The following OR1L8 variants were observed in gnomAD, a reference collection of about 807,000 sequenced individuals.
OR1L8 encodes olfactory receptor 1L8.
For missense variants in OR1L8, 330 were observed against 377.4 expected (o/e 0.87, Z 1.04); for synonymous variants, 148 against 147.0 (o/e 1.01, Z -0.05).
chr9:122,576,089 T>G (rs563825241), intron 3 of OR1L8, among the ~76,000 whole-genome samples: 4 of 152,228 alleles, frequency 2.6e-5, no homozygotes, highest in African/African-American at 9.6e-5. Flanking sequence ...CTTAATAATA[T>G]TGTAAGGCTG....
chr9:122,566,900 G>A (rs755239613), downstream of OR1L8, among the ~76,000 whole-genome samples: 3 of 152,086 alleles, frequency 2.0e-5, no homozygotes, highest in African/African-American at 4.8e-5. Context: ...GTTATCCCTT[G>A]TGGTTTTTGT....
intron 3 of OR1L8, among the ~76,000 whole-genome samples, chr9:122,575,835 GATCTCTAGACTTGTTCATGCT>G (rs1829644703): frequency 6.6e-6 from 1 of 152,096 alleles, no homozygotes; most frequent in African/African-American, 2.4e-5. Flanking sequence ...TTGTACATTA[GATCTCTAGACTTGTTCATGCT>G]TCATGTCTGT....
the OR1L8 span, among the ~76,000 whole-genome samples, chr9:122,552,749 A>AGTGTGTGTGTGTGTGTGTGT: frequency 9.2e-4 from 120 of 129,752 alleles, 1 homozygote; most frequent in South Asian, 1.7e-3. Context: ...AGAGGGCTTG[A>AGTGTGTGTGTGTGTGTGTGT]GTGTGTGTGT....
chr9:122,565,433 A>T (rs1282458635), downstream of OR1L8, among the ~76,000 whole-genome samples: 1 of 152,172 alleles, frequency 6.6e-6, no homozygotes, highest in Admixed American at 6.5e-5. Context: ...TGGGCTCATG[A>T]ACAAAATGGC....
intron 1 of OR1L8, among the ~76,000 whole-genome samples, chr9:122,581,750 C>A (rs1232624980): frequency 6.6e-6 from 1 of 151,920 alleles, no homozygotes; most frequent in East Asian, 1.9e-4. Flanking sequence ...AGTTTGAGAC[C>A]AGCCTGGCCA....
intron 1 of OR1L8, among the ~76,000 whole-genome samples, chr9:122,582,883 A>G (rs1426983290): frequency 6.6e-6 from 1 of 152,184 alleles, no homozygotes; most frequent in African/African-American, 2.4e-5. Flanking sequence ...TAAAAGTGTA[A>G]TTAAAATGAA....
At chr9:122,569,423 C>G (rs1829498737) in intron 4 of OR1L8, among the ~76,000 whole-genome samples, 1 of 85,666 alleles carries the variant, frequency 1.2e-5, no homozygotes, top group African/African-American at 4.6e-5. Context: ...AAGTGGCTTC[C>G]ATTTCTTGCT....
chr9:122,565,655 T>C (rs1227396056), downstream of OR1L8, among the ~76,000 whole-genome samples: 1 of 152,252 alleles, frequency 6.6e-6, no homozygotes, highest in Non-Finnish European at 1.5e-5. Flanking sequence ...AGAAGAAGTA[T>C]GGATCCCGTC....
chr9:122,574,219 T>C (rs35437587), intron 3 of OR1L8, among the ~76,000 whole-genome samples: 16,875 of 152,248 alleles, frequency 0.11, 1,136 homozygotes, highest in South Asian at 0.19. Flanking sequence ...AACTTTAGAA[T>C]TAGTTTTTTA....
At chr9:122,552,041 A>ACTCTCTCTCTCTCT in the OR1L8 span, among the ~76,000 whole-genome samples, 1 of 147,132 alleles carries the variant, frequency 6.8e-6, no homozygotes, top group African/African-American at 2.5e-5. Context: ...ACACATACAC[A>ACTCTCTCTCTCTCT]CACACACACA....
intron 4 of OR1L8, among the ~76,000 whole-genome samples, chr9:122,571,214 A>G (rs16911914): frequency 0.054 from 8,214 of 152,140 alleles, 414 homozygotes; most frequent in East Asian, 0.26. Flanking sequence ...GGGATTTGAA[A>G]GCTTGAACAC....
chr9:122,560,425 G>A, the OR1L8 span, among the ~76,000 whole-genome samples: 2 of 152,152 alleles, frequency 1.3e-5, no homozygotes, highest in African/African-American at 4.8e-5. Flanking sequence ...TCATAGTATC[G>A]TTGGTCTTTA....
the OR1L8 span, among the ~76,000 whole-genome samples, chr9:122,546,366 G>GA: frequency 6.6e-6 from 1 of 152,146 alleles, no homozygotes; most frequent in African/African-American, 2.4e-5. Flanking sequence ...AGAAGGCAGT[G>GA]AAAGTGAGAT....
At chr9:122,580,062 CACTA>C (rs1262844884) in intron 1 of OR1L8, among the ~76,000 whole-genome samples, 1 of 152,150 alleles carries the variant, frequency 6.6e-6, no homozygotes, top group Non-Finnish European at 1.5e-5. Context: ...TCCTGTCTCT[CACTA>C]ACTGGGTAAT....
chr9:122,578,511 A>G (rs1485470805), intron 1 of OR1L8, 66 bp from the exon 2 acceptor site: 1 of 152,058 alleles, frequency 6.6e-6, no homozygotes, highest in Non-Finnish European at 1.5e-5. Flanking sequence ...GCATGTTTAT[A>G]GCACCACAAT....
the OR1L8 span, chr9:122,554,277 A>T: frequency 2.8e-6 from 2 of 712,026 alleles, no homozygotes; most frequent in Non-Finnish European, 4.5e-6. Context: ...GTTGACTCTG[A>T]GTTAGGGATG....
chr9:122,555,447 G>T, the OR1L8 span, among the ~76,000 whole-genome samples: 84,056 of 151,960 alleles, frequency 0.55, 23,869 homozygotes, highest in East Asian at 0.97. Context: ...AGCAATCTGC[G>T]GCTGCAATTT....
chr9:122,573,206 C>A (rs1588217297), intron 3 of OR1L8, among the ~76,000 whole-genome samples: 1 of 152,304 alleles, frequency 6.6e-6, no homozygotes, highest in East Asian at 1.9e-4. Flanking sequence ...GTCCTGTGAT[C>A]TCCCTCAGCA....
chr9:122,557,633 A>G, the OR1L8 span, among the ~76,000 whole-genome samples: 1 of 152,050 alleles, frequency 6.6e-6, no homozygotes, highest in Non-Finnish European at 1.5e-5. Context: ...GGATTTTTAC[A>G]TCCATATTCA....
Sources: allele counts gnomAD v4.1 joint callset (sites outside exome capture counted in the v4.1 genomes callset), GRCh38; gene constraint gnomAD v4.1.1; transcripts MANE v1.5; gene names NCBI Gene and HGNC (gene_info 2026-07-23, HGNC 2026-07-21).